PGM5: variants seen among roughly 807,000 people sequenced by gnomAD.
The protein encoded by PGM5 is phosphoglucomutase 5.
Under a neutral mutation model 59.2 loss-of-function variants are expected in PGM5, and 23 were observed. The ratio of observed to expected loss-of-function variants is 0.39; its 90% CI spans 0.28 to 0.55. PGM5 has a LOEUF of 0.55. Ranked by LOEUF, PGM5 falls within the 20% of genes least tolerant of loss-of-function variation. The probability of loss-of-function intolerance (pLI) is 0.66; values close to 1 mark genes in which losing one functional copy is unlikely to be tolerated. For synonymous variants in PGM5, 214 were observed against 286.0 expected, an observed-to-expected ratio of 0.75 and a Z score of 2.54; for missense variants, 574 against 748.3, an observed-to-expected ratio of 0.77 and a Z score of 2.72.
intron 8 of PGM5, among the ~76,000 whole-genome samples, chr9:68,479,878 C>G (rs570462597): frequency 4.6e-5 from 7 of 151,418 alleles, no homozygotes; most frequent in Non-Finnish European, 5.9e-5. Flanking sequence ...AGCCGAGATC[C>G]CGCCACTGCA....
chr9:68,481,981 G>C (rs1648713656), intron 8 of PGM5, among the ~76,000 whole-genome samples: 1 of 152,212 alleles, frequency 6.6e-6, no homozygotes, highest in South Asian at 2.1e-4. Context: ...TACTGAGCCT[G>C]AATATCTGAG....
chr9:68,358,577 A>G (rs1291161862), intron 1 of PGM5, among the ~76,000 whole-genome samples: 1 of 152,214 alleles, frequency 6.6e-6, no homozygotes, highest in Non-Finnish European at 1.5e-5. Context: ...GAGTGTTAAC[A>G]TCTTTAAAAG....
At chr9:68,476,989 T>G (rs545636745) in intron 7 of PGM5, among the ~76,000 whole-genome samples, 1 of 152,276 alleles carries the variant, frequency 6.6e-6, no homozygotes, top group East Asian at 1.9e-4. Flanking sequence ...AAGTGATTTT[T>G]TTTTTCAGCT....
chr9:68,380,775 A>T (rs2131996112), intron 2 of PGM5, among the ~76,000 whole-genome samples: 1 of 152,062 alleles, frequency 6.6e-6, no homozygotes, highest in Non-Finnish European at 1.5e-5. Flanking sequence ...CCTCAGAAAT[A>T]AAAATGGTCA....
intron 9 of PGM5, among the ~76,000 whole-genome samples, chr9:68,490,603 C>T (rs1824375655): frequency 6.6e-6 from 1 of 152,238 alleles, no homozygotes; most frequent in Non-Finnish European, 1.5e-5. Flanking sequence ...GATCTGCTTG[C>T]CTCGGGCTCC....
At chr9:68,386,093 T>C (rs1271846532) in intron 3 of PGM5, among the ~76,000 whole-genome samples, 4 of 151,790 alleles carry the variant, frequency 2.6e-5, no homozygotes, top group Non-Finnish European at 5.9e-5. Context: ...GTGTGTTACC[T>C]ATTGTAAATA....
chr9:68,389,849 C>T (rs1380145960), intron 4 of PGM5, among the ~76,000 whole-genome samples: 6 of 152,092 alleles, frequency 3.9e-5, no homozygotes, highest in African/African-American at 9.7e-5. Flanking sequence ...GTTCCATTTG[C>T]ACCACTGGCA....
chr9:68,485,008 C>CACCG (rs1554687446), intron 9 of PGM5, among the ~76,000 whole-genome samples: 1 of 152,102 alleles, frequency 6.6e-6, no homozygotes, highest in African/African-American at 2.4e-5. Context: ...TATTTTTGCT[C>CACCG]ACCGACAAGG....
At chr9:68,463,421 A>T (rs1295206845) in intron 6 of PGM5, among the ~76,000 whole-genome samples, 1 of 152,078 alleles carries the variant, frequency 6.6e-6, no homozygotes, top group Admixed American at 6.6e-5. Context: ...CTTCAGGCCA[A>T]TGTCTGTGGT....
At chr9:68,525,964 G>A (rs1208834007) in intron 10 of PGM5, among the ~76,000 whole-genome samples, 1 of 151,952 alleles carries the variant, frequency 6.6e-6, no homozygotes, top group Non-Finnish European at 1.5e-5. Context: ...GCTGAGACAG[G>A]AGAATGGCGT....
intron 10 of PGM5, among the ~76,000 whole-genome samples, chr9:68,500,265 T>C (rs1554688531): frequency 6.6e-6 from 1 of 152,244 alleles, no homozygotes; most frequent in African/African-American, 2.4e-5. Flanking sequence ...GGCAGGCTTT[T>C]CTTTCTTTGT....
chr9:68,376,883 T>G (rs1270466082), intron 1 of PGM5, among the ~76,000 whole-genome samples: 1 of 112,358 alleles, frequency 8.9e-6, no homozygotes, highest in Non-Finnish European at 1.9e-5. Flanking sequence ...TCTTTCTTTC[T>G]TTTTTTCTTT....
chr9:68,496,662 A>T (rs1824487425), intron 9 of PGM5, among the ~76,000 whole-genome samples: 1 of 152,228 alleles, frequency 6.6e-6, no homozygotes, highest in Admixed American at 6.5e-5. Flanking sequence ...AGTCAAAGAC[A>T]TTATAATTAA....
At chr9:68,469,631 T>C (rs1275091568) in intron 7 of PGM5, among the ~76,000 whole-genome samples, 4 of 152,240 alleles carry the variant, frequency 2.6e-5, no homozygotes, top group Non-Finnish European at 5.9e-5. Flanking sequence ...TTTTGAGGTT[T>C]GCTGGATGCT....
At chr9:68,398,599 C>T (rs1205383650) in intron 6 of PGM5, 3 of 152,226 alleles carry the variant, frequency 2.0e-5, no homozygotes, top group African/African-American at 7.2e-5. Context: ...AATGCCCCAA[C>T]TTGTCTCTTC....
At chr9:68,490,067 G>C (rs190174449) in intron 9 of PGM5, among the ~76,000 whole-genome samples, 23 of 152,304 alleles carry the variant, frequency 1.5e-4, no homozygotes, top group African/African-American at 5.5e-4. Context: ...TTGCAAGAAG[G>C]TGTCTGCTCT....
At position 68,491,865 on chromosome 9, in the gene PGM5, G is replaced by C. The variant is rs1302711331; in HGVS notation, c.1480-7362G>C. 2.6e-5 allele frequency among the ~76,000 whole-genome samples: 4 copies of C among 152,140 alleles called. No homozygotes were observed. The East Asian group carries it at 7.7e-4, about 29-fold the overall frequency. On this transcript the variant is annotated intron_variant, in intron 9 of 10. Coordinates refer to ENST00000396396, the MANE Select transcript of PGM5 (RefSeq NM_021965.4). ...TTTTAAAAAAGCGAGAAAGAAAATA[G>C]AATGAGGGAGACCCTGTTTCTGGTT...
chr9:68,434,483 G>A (rs572957330), intron 6 of PGM5, among the ~76,000 whole-genome samples: 2 of 152,214 alleles, frequency 1.3e-5, no homozygotes, highest in East Asian at 1.9e-4. Context: ...TTGTTTGCTA[G>A]TTAGCCAAAG....
At chr9:68,474,235 A>G (rs1824067743) in intron 7 of PGM5, among the ~76,000 whole-genome samples, 1 of 152,172 alleles carries the variant, frequency 6.6e-6, no homozygotes. Context: ...AATTGCCAAC[A>G]TATGTTACAA....
Sources: gnomAD v4.1 joint callset for allele counts (sites outside exome capture counted in the v4.1 genomes callset) on GRCh38, gnomAD v4.1.1 for gene constraint, MANE v1.5 for transcripts, NCBI Gene and HGNC (gene_info 2026-07-23, HGNC 2026-07-21) for gene names.